PMM2: variants seen among roughly 807,000 people sequenced by gnomAD.
The protein encoded by PMM2 is mannose-6-phosphate isomerase.
PMM2 carries 35 observed loss-of-function variants against 33.2 expected under a neutral mutation model. The observed-to-expected ratio is 1.06, with a 90% CI of 0.81 to 1.40. The LOEUF (loss-of-function observed/expected upper bound fraction) is 1.40, where lower values mean the gene tolerates loss of function less well. Among genes scored for constraint, PMM2 ranks in the 40% most tolerant of loss-of-function variants. The probability of loss-of-function intolerance (pLI) is 0.00; values close to 1 mark genes in which losing one functional copy is unlikely to be tolerated. For synonymous variants in PMM2, 153 were observed against 114.7 expected, an observed-to-expected ratio of 1.33 and a Z score of -2.13; for missense variants, 386 against 306.0, an observed-to-expected ratio of 1.26 and a Z score of -1.95.
chr16:8,844,659 G>A (rs777426234), intron 7 of PMM2, among the ~76,000 whole-genome samples: 8 of 152,320 alleles, frequency 5.3e-5, no homozygotes, highest in African/African-American at 1.4e-4. Flanking sequence ...GATCAGAGGC[G>A]TCCTTGCAAT....
At chr16:8,821,626 G>T (rs962094261) in intron 7 of PMM2, among the ~76,000 whole-genome samples, 9 of 152,216 alleles carry the variant, frequency 5.9e-5, no homozygotes, top group Non-Finnish European at 1.0e-4. Context: ...GCCCTTGAAG[G>T]CCGGAGAGGT....
At chr16:8,820,860 A>C (rs2060735077) in intron 7 of PMM2, among the ~76,000 whole-genome samples, 1 of 152,206 alleles carries the variant, frequency 6.6e-6, no homozygotes, top group African/African-American at 2.4e-5. Flanking sequence ...GAGCCTGCCA[A>C]GTCCCTCAGT....
At chr16:8,845,074 G>C (rs2060916321) in intron 7 of PMM2, among the ~76,000 whole-genome samples, 1 of 152,218 alleles carries the variant, frequency 6.6e-6, no homozygotes, top group African/African-American at 2.4e-5. Context: ...CTTTGTGTGA[G>C]CAACATGGCT....
At chr16:8,824,728 T>C (rs2060757034) in intron 7 of PMM2, among the ~76,000 whole-genome samples, 1 of 152,008 alleles carries the variant, frequency 6.6e-6, no homozygotes. Context: ...ACACTAGATA[T>C]CACAAAGTAG....
intron 2 of PMM2, 149 bp downstream of exon 2, chr16:8,802,059 T>C: frequency 1.6e-6 from 1 of 644,092 alleles, no homozygotes; most frequent in Non-Finnish European, 2.9e-6. Context: ...TGGCCTTTGC[T>C]TTTCCTCTGC....
At chr16:8,800,227 G>A (rs915591206) in intron 1 of PMM2, among the ~76,000 whole-genome samples, 5 of 151,986 alleles carry the variant, frequency 3.3e-5, no homozygotes, top group African/African-American at 1.2e-4. Context: ...CGAGCATGAT[G>A]GCGGGCGCCT....
At chr16:8,840,957 G>A (rs2060886257) in intron 7 of PMM2, among the ~76,000 whole-genome samples, 1 of 152,000 alleles carries the variant, frequency 6.6e-6, no homozygotes, top group African/African-American at 2.4e-5. Flanking sequence ...CTAGAGGGCT[G>A]GTGTCTGGGA....
At chr16:8,827,841 AATATATAATAT>A (rs1567164770) in intron 7 of PMM2, among the ~76,000 whole-genome samples, 1 of 72,218 alleles carries the variant, frequency 1.4e-5, no homozygotes, top group East Asian at 5.2e-4. Flanking sequence ...TATATTGTAT[AATATATAATAT>A]ATATGTTATA....
intron 7 of PMM2, among the ~76,000 whole-genome samples, chr16:8,827,808 A>ATATT (rs572345845): frequency 0.53 from 53,044 of 99,906 alleles, 14,583 homozygotes; most frequent in East Asian, 0.57. Flanking sequence ...ACATATTTAT[A>ATATT]TATTTATATA....
chr16:8,844,353 C>G (rs527722216), intron 7 of PMM2, among the ~76,000 whole-genome samples: 1 of 151,926 alleles, frequency 6.6e-6, no homozygotes, highest in African/African-American at 2.4e-5. Context: ...GGGGTTCTTA[C>G]CCTCCAGAAA....
chr16:8,816,847 G>A lies in PMM2; in HGVS notation c.639+3741G>A, dbSNP rs1596491784. 2.0e-5 allele frequency among the ~76,000 whole-genome samples: 3 copies of A among 152,310 alleles called. No individual in the cohort carries two copies. The Middle Eastern group carries it at 0.01, about 518-fold the overall frequency. On this transcript the variant is annotated intron_variant, in intron 7 of 7. Transcript: ENST00000268261. ...AGCTATGATGGAAAACTACATAGTGGTTCCTCAAATTAAAAATAGAACTGC... is the reference window on the plus strand; with the variant it reads ...AGCTATGATGGAAAACTACATAGTGATTCCTCAAATTAAAAATAGAACTGC...
intron 7 of PMM2, among the ~76,000 whole-genome samples, chr16:8,842,995 G>A (rs1007914737): frequency 1.3e-5 from 2 of 152,102 alleles, no homozygotes; most frequent in Non-Finnish European, 2.9e-5. Flanking sequence ...GGAGAAGGGC[G>A]GCAATGAGAT....
chr16:8,835,792 T>A (rs946968236), intron 7 of PMM2, among the ~76,000 whole-genome samples: 38 of 151,772 alleles, frequency 2.5e-4, no homozygotes, highest in African/African-American at 9.2e-4. Flanking sequence ...GTAAGGGTGA[T>A]TAGGTTTTAA....
intron 7 of PMM2, among the ~76,000 whole-genome samples, chr16:8,817,499 G>A (rs2060714677): frequency 6.6e-6 from 1 of 152,220 alleles, no homozygotes; most frequent in Admixed American, 6.5e-5. Flanking sequence ...TAGCCATTTA[G>A]AAGCCTCAGT....
intron 6 of PMM2, among the ~76,000 whole-genome samples, chr16:8,812,641 G>A (rs1189089767): frequency 6.6e-6 from 1 of 152,102 alleles, no homozygotes; most frequent in Non-Finnish European, 1.5e-5. Context: ...CTGAGGGTGT[G>A]TTAAAGCCCG....
chr16:8,825,158 G>A (rs1352443271), intron 7 of PMM2, among the ~76,000 whole-genome samples: 2 of 152,134 alleles, frequency 1.3e-5, no homozygotes, highest in Non-Finnish European at 1.5e-5. Flanking sequence ...AGCCTCCCGA[G>A]TAGCTGGGAC....
rs772184641 is a variant in PMM2 at position 8,812,985 on chromosome 16, C to T, written c.524-6C>T. Reference sequence around the variant, plus strand: ...TGCCTTTGTGTGCCCCGTCCCCACCCGGCAGGAGGCCAGATCAGCTTTGAT... The same window carrying T: ...TGCCTTTGTGTGCCCCGTCCCCACCTGGCAGGAGGCCAGATCAGCTTTGAT... On this transcript the variant is annotated splice_region_variant and splice_polypyrimidine_tract_variant and intron_variant, in intron 6 of 7. Coordinates refer to ENST00000268261, the MANE Select transcript of PMM2 (RefSeq NM_000303.3). 5.1e-6 allele frequency: 8 copies of T among 1,564,382 alleles called. No individual in the cohort carries two copies. The East Asian group carries it at 6.7e-5, about 13-fold the overall frequency.
At chr16:8,817,533 A>C (rs1227176109) in intron 7 of PMM2, among the ~76,000 whole-genome samples, 1 of 152,262 alleles carries the variant, frequency 6.6e-6, no homozygotes, top group African/African-American at 2.4e-5. Context: ...AATGGAATGC[A>C]GTTCTTGGAT....
At chr16:8,845,657 C>G (rs1306011408) in intron 7 of PMM2, among the ~76,000 whole-genome samples, 1 of 151,964 alleles carries the variant, frequency 6.6e-6, no homozygotes, top group African/African-American at 2.4e-5. Flanking sequence ...TGGCTCACTG[C>G]AATCTCCGCC....
Sources: gnomAD v4.1 joint callset for allele counts (sites outside exome capture counted in the v4.1 genomes callset) on GRCh38, gnomAD v4.1.1 for gene constraint, MANE v1.5 for transcripts, NCBI Gene and HGNC (gene_info 2026-07-23, HGNC 2026-07-21) for gene names.